The following POLR3B variants were observed in gnomAD, a reference collection of about 807,000 sequenced individuals.
POLR3B encodes the protein DNA-directed RNA polymerase III subunit RPC2.
Under a neutral mutation model 147.4 loss-of-function variants are expected in POLR3B, and 96 were observed. The observed-to-expected ratio is 0.65, with a 90% CI of 0.55 to 0.77. The LOEUF (loss-of-function observed/expected upper bound fraction) is 0.77, where lower values mean the gene tolerates loss of function less well. POLR3B is among the 30% of genes least tolerant of loss of function. The pLI is 0.00. For synonymous variants in POLR3B, 461 were observed against 485.9 expected (o/e 0.95, Z 0.67); for missense variants, 1,036 against 1,413.5 (o/e 0.73, Z 4.28).
chr12:106,370,487 A>C (rs1232445327), intron 6 of POLR3B, among the ~76,000 whole-genome samples: 2 of 152,206 alleles, frequency 1.3e-5, no homozygotes, highest in African/African-American at 4.8e-5. Context: ...TGCAGGTTTA[A>C]CAAATCCTCC....
At chr12:106,465,200 AT>A (rs2037988737) in intron 23 of POLR3B, among the ~76,000 whole-genome samples, 1 of 152,180 alleles carries the variant, frequency 6.6e-6, no homozygotes, top group African/African-American at 2.4e-5. Flanking sequence ...TCGCTAGGTC[AT>A]TGTGGGGTAA....
At chr12:106,392,365 G>A (rs1009277353) in intron 9 of POLR3B, among the ~76,000 whole-genome samples, 3 of 152,016 alleles carry the variant, frequency 2.0e-5, no homozygotes, top group Admixed American at 6.6e-5. Flanking sequence ...GTTTCGCCAC[G>A]TTGGCCCAGC....
chr12:106,448,995 G>A (rs1471269250), intron 19 of POLR3B, among the ~76,000 whole-genome samples: 1 of 152,014 alleles, frequency 6.6e-6, no homozygotes, highest in African/African-American at 2.4e-5. Flanking sequence ...GCCCCTCGAA[G>A]TCAGGAGCTC....
chr12:106,367,346 C>T (rs2036548551), intron 4 of POLR3B, among the ~76,000 whole-genome samples: 1 of 152,146 alleles, frequency 6.6e-6, no homozygotes, highest in Admixed American at 6.5e-5. Flanking sequence ...TCTTACATAA[C>T]CATAGCACAA....
intron 23 of POLR3B, 104 bp from the exon 24 acceptor site, chr12:106,495,951 A>T: frequency 1.3e-6 from 1 of 792,322 alleles, no homozygotes. Context: ...GGAAGATTTT[A>T]GAGCAGTGGA....
At chr12:106,387,958 C>T (rs2036862723) in intron 9 of POLR3B, among the ~76,000 whole-genome samples, 1 of 152,172 alleles carries the variant, frequency 6.6e-6, no homozygotes, top group African/African-American at 2.4e-5. Context: ...AGAAAAGACA[C>T]ATCATTTCTC....
chr12:106,415,955 T>C (rs995017610), intron 12 of POLR3B, among the ~76,000 whole-genome samples: 3 of 152,168 alleles, frequency 2.0e-5, no homozygotes, highest in African/African-American at 4.8e-5. Context: ...CATATACAAA[T>C]ATCTTTATTA....
At chr12:106,471,227 G>A (rs1043179013) in intron 23 of POLR3B, among the ~76,000 whole-genome samples, 2 of 152,142 alleles carry the variant, frequency 1.3e-5, no homozygotes, top group African/African-American at 2.4e-5. Flanking sequence ...AGACTGCTGC[G>A]CTAACAGTGA....
At position 106,427,247 on chromosome 12, in the gene POLR3B, GA is replaced by G; in HGVS notation, c.1157del (p.Lys386ArgfsTer6). 6.3e-7 allele frequency: 1 copy of G among 1,593,226 alleles called. No homozygotes were observed. Among genetic ancestry groups the G allele is most frequent in the Non-Finnish European group, 8.6e-7 (1 of 1,166,808 alleles). ...DLFKKFNSEM[K>X]KIADQVIPKQ... ...TGTTCAAAAAATTTAATTCTGAAAT[GA>G]AAAAGATTGCCGACCAGGTGATTCC... On this transcript the variant is annotated frameshift_variant, in exon 13 of 28. Transcript: ENST00000228347. LOFTEE classifies it high-confidence loss of function.
At chr12:106,395,833 G>C (rs2036971213) in intron 10 of POLR3B, among the ~76,000 whole-genome samples, 1 of 152,088 alleles carries the variant, frequency 6.6e-6, no homozygotes, top group African/African-American at 2.4e-5. Flanking sequence ...AGCCGGGCGT[G>C]GTGGTGGGTG....
intron 23 of POLR3B, among the ~76,000 whole-genome samples, chr12:106,484,845 C>G (rs1365080503): frequency 1.3e-5 from 2 of 151,576 alleles, no homozygotes; most frequent in African/African-American, 2.4e-5. Context: ...TTCTGAGGCA[C>G]GAATAAGCTT....
intron 21 of POLR3B, among the ~76,000 whole-genome samples, chr12:106,458,435 C>T (rs1198896563): frequency 1.3e-5 from 2 of 152,084 alleles, no homozygotes; most frequent in African/African-American, 2.4e-5. Flanking sequence ...CATTATGATC[C>T]TAAAAGCAAT....
At position 106,384,970 on chromosome 12, in the gene POLR3B, C is replaced by T. The variant is rs138883103; in HGVS notation, c.723+4831C>T. 1.1e-3 allele frequency among the ~76,000 whole-genome samples: 168 copies of T among 152,020 alleles called. 3 individuals carry two copies. The highest frequency in any genetic ancestry group is 3.9e-3 in the African/African-American group (161 of 41,452). Reference sequence around the variant, plus strand: ...CCTCCCAAGTAGCTGCGATTTCAGGCGCCCTCCACCACGCCCAGCTAATTT... The same window carrying T: ...CCTCCCAAGTAGCTGCGATTTCAGGTGCCCTCCACCACGCCCAGCTAATTT... On this transcript the variant is annotated intron_variant, in intron 9 of 27. Transcript: ENST00000228347.
At chr12:106,490,343 C>T (rs1433701372) in intron 23 of POLR3B, among the ~76,000 whole-genome samples, 1 of 152,178 alleles carries the variant, frequency 6.6e-6, no homozygotes, top group Non-Finnish European at 1.5e-5. Context: ...AATTAATCAG[C>T]CCTTTGTGCG....
chr12:106,446,385 T>G (rs1253277579), intron 19 of POLR3B: 7 of 185,736 alleles, frequency 3.8e-5, no homozygotes, highest in African/African-American at 7.7e-5. Context: ...AAGAAAGAAA[T>G]AATATTTTTA....
intron 12 of POLR3B, among the ~76,000 whole-genome samples, chr12:106,411,660 C>T (rs1349307616): frequency 6.6e-6 from 1 of 152,128 alleles, no homozygotes; most frequent in Non-Finnish European, 1.5e-5. Flanking sequence ...TCCTTGTAGT[C>T]TCAGTGGAAG....
intron 10 of POLR3B, among the ~76,000 whole-genome samples, chr12:106,395,464 C>T (rs890735909): frequency 1.3e-5 from 2 of 152,018 alleles, no homozygotes; most frequent in African/African-American, 4.8e-5. Flanking sequence ...GGAAAACTCA[C>T]TATCAGGAGG....
intron 15 of POLR3B, among the ~76,000 whole-genome samples, chr12:106,433,445 T>C (rs2037535209): frequency 6.6e-6 from 1 of 152,180 alleles, no homozygotes; most frequent in Non-Finnish European, 1.5e-5. Flanking sequence ...CCCAGGTTGT[T>C]TGGACCCCAA....
At chr12:106,372,477 A>G (rs996599518) in intron 6 of POLR3B, among the ~76,000 whole-genome samples, 11 of 151,478 alleles carry the variant, frequency 7.3e-5, no homozygotes, top group African/African-American at 2.7e-4. Context: ...AGCTGGGATT[A>G]CAGGTGCCCG....
Sources: gnomAD v4.1 joint callset for allele counts (sites outside exome capture counted in the v4.1 genomes callset) on GRCh38, gnomAD v4.1.1 for gene constraint, MANE v1.5 for transcripts, NCBI Gene and HGNC (gene_info 2026-07-23, HGNC 2026-07-21) for gene names.